PRPSAP1: variants seen among roughly 807,000 people sequenced by gnomAD.
PRPSAP1 encodes the protein phosphoribosyl pyrophosphate synthetase associated protein 1.
In PRPSAP1, 31 loss-of-function variants were observed where a neutral mutation model predicts 39.4. The observed-to-expected ratio is 0.79, with a 90% confidence interval of 0.59 to 1.06. The LOEUF (loss-of-function observed/expected upper bound fraction) is 1.06. Ranked by LOEUF, PRPSAP1 falls within the 50% of genes least tolerant of loss-of-function variation. The pLI, the probability that PRPSAP1 is intolerant of heterozygous loss-of-function variation, is 0.00. For missense variants in PRPSAP1, 430 were observed against 511.6 expected, an observed-to-expected ratio of 0.84 and a Z score of 1.54; for synonymous variants, 212 against 192.6, an observed-to-expected ratio of 1.10 and a Z score of -0.83.
In PRPSAP1 at chr17:76,329,230, C is replaced by G. The variant is rs180907120; in HGVS notation, c.636-368G>C. ...GGACCACAGGCATGTGTTGCCACAA[C>G]TGGCTATTTTTTGTATTTTGTAGAG... is the stretch of plus-strand genomic sequence containing the variant. On this transcript the variant is annotated intron_variant, in intron 6 of 9. Coordinates refer to ENST00000446526, the MANE Select transcript of PRPSAP1 (RefSeq NM_002766.3). Among the ~76,000 whole-genome samples the G allele has an allele frequency of 1.1e-3, 160 of 152,190 alleles. 1 individual carries two copies. The highest frequency in any genetic ancestry group is 1.8e-3 in the Non-Finnish European group (123 of 68,010).
chr17:76,313,668 G>C (rs921663127), intron 8 of PRPSAP1, 153 bp downstream of exon 8: 1 of 743,826 alleles, frequency 1.3e-6, no homozygotes, highest in Admixed American at 2.3e-5. Context: ...CCTGGATACA[G>C]GTTTCTGCCA....
chr17:76,333,045 C>T (rs1014765244), intron 3 of PRPSAP1, among the ~76,000 whole-genome samples: 9 of 151,988 alleles, frequency 5.9e-5, no homozygotes, highest in African/African-American at 2.2e-4. Flanking sequence ...GCGCCCGCCA[C>T]CTCGCCCGGC....
chr17:76,311,555 G>A lies in PRPSAP1; in HGVS notation c.1145C>T (p.Thr382Ile), dbSNP rs544246273. 6.2e-7 allele frequency: 1 copy of A among 1,613,884 alleles called. No individual in the cohort carries two copies. The highest frequency in any genetic ancestry group is 1.7e-5 in the Admixed American group (1 of 59,960). The change falls in exon 10 of 10, where the codon ACT (threonine) becomes ATT (isoleucine). Residue 382 changes from threonine to isoleucine, a missense_variant. This residue lies in a region of PRPSAP1 where 278 missense variants were observed against 376.3 expected (regional missense o/e 0.74). Coordinates refer to ENST00000446526, the MANE Select transcript of PRPSAP1 (RefSeq NM_002766.3). ...CCCTCGTGAAAGCTAGTCATCCACA[G>A]TGATGTTTCGGAAAAGGTAGGCCAT... is the stretch of plus-strand genomic sequence containing the variant. Reference protein sequence around the residue: ...ESMAYLFRNITVDD With the variant: ...ESMAYLFRNIIVDD
chr17:76,346,733 A>C (rs1265150014), intron 2 of PRPSAP1, among the ~76,000 whole-genome samples: 1 of 152,220 alleles, frequency 6.6e-6, no homozygotes, highest in East Asian at 1.9e-4. Flanking sequence ...TTGGTTGTGC[A>C]CTGAAAAAGG....
chr17:76,318,276 C>T (rs180823819), intron 7 of PRPSAP1, among the ~76,000 whole-genome samples: 5 of 152,172 alleles, frequency 3.3e-5, no homozygotes, highest in African/African-American at 1.2e-4. Context: ...GGTGAAACCC[C>T]ATCTCTACTA....
At chr17:76,313,980 C>CA in intron 7 of PRPSAP1, 89 bp from the exon 8 acceptor site, 1 of 1,380,776 alleles carries the variant, frequency 7.2e-7, no homozygotes, top group Middle Eastern at 1.8e-4. Context: ...GAAATGGTGG[C>CA]AAAACCACTA....
intron 7 of PRPSAP1, among the ~76,000 whole-genome samples, chr17:76,315,994 A>G (rs967908746): frequency 6.7e-6 from 1 of 149,510 alleles, no homozygotes; most frequent in African/African-American, 2.4e-5. Flanking sequence ...CCTGGCCAAC[A>G]TGGTGAAACT....
At chr17:76,314,907 G>A (rs932710054) in intron 7 of PRPSAP1, among the ~76,000 whole-genome samples, 3 of 152,242 alleles carry the variant, frequency 2.0e-5, no homozygotes, top group African/African-American at 4.8e-5. Context: ...GAGACATGCA[G>A]AAGGAATGCC....
Position 76,348,575 on chromosome 17 carries a change from A to C in PRPSAP1, c.177T>G (p.Leu59=). Residue 59 remains leucine (L), a synonymous_variant, in exon 2 of 10, where the codon CTT becomes CTG. Coordinates refer to ENST00000446526, the MANE Select transcript of PRPSAP1 (RefSeq NM_002766.3). ...TELAKRITER[L]GAELGKSVVY... The stretch of plus-strand genomic sequence containing the variant: ...CAACAGACTTCCCCAATTCAGCACC[A>C]AGGCGCCTATAGATCAAAAAGAACA... 2.0e-6 allele frequency: 3 copies of C among 1,530,260 alleles called. No homozygotes were observed. Among genetic ancestry groups the C allele is most frequent in the Non-Finnish European group, 1.7e-6 (2 of 1,150,160 alleles). The allele number at this position is 1,530,260 out of a possible 1,614,324, so 94.8% of individuals were successfully genotyped here. A position where few individuals can be genotyped will look rare whatever the true frequency, so the allele number is the denominator to read the frequency against.
chr17:76,325,114 C>T (rs527347235), intron 7 of PRPSAP1, among the ~76,000 whole-genome samples: 60 of 144,532 alleles, frequency 4.2e-4, no homozygotes, highest in African/African-American at 1.4e-3. Flanking sequence ...GCCAGGAATT[C>T]AAGACCAACC....
intron 4 of PRPSAP1, among the ~76,000 whole-genome samples, chr17:76,331,381 T>C (rs76134614): frequency 0.012 from 1,757 of 152,288 alleles, 35 homozygotes; most frequent in African/African-American, 0.04. Context: ...GGGTTCCACG[T>C]GTGGATTCAA....
chr17:76,333,048 C>T (rs552168951), intron 3 of PRPSAP1, among the ~76,000 whole-genome samples: 136 of 151,998 alleles, frequency 8.9e-4, no homozygotes, highest in African/African-American at 3.0e-3. Context: ...CCCGCCACCT[C>T]GCCCGGCTAA....
chr17:76,329,133 CAACAT>C, intron 6 of PRPSAP1: 1 of 310,080 alleles, frequency 3.2e-6, no homozygotes, highest in South Asian at 5.6e-5. Context: ...GCAGTGGCGT[CAACAT>C]GGCTCACTGC....
intron 3 of PRPSAP1, among the ~76,000 whole-genome samples, chr17:76,332,983 C>T (rs1027477169): frequency 2.0e-5 from 3 of 151,950 alleles, no homozygotes; most frequent in African/African-American, 4.8e-5. Flanking sequence ...CTCCGCCCCC[C>T]GAGGTTCACG....
chr17:76,329,767 G>C (rs2071300617), intron 6 of PRPSAP1, among the ~76,000 whole-genome samples: 1 of 151,730 alleles, frequency 6.6e-6, no homozygotes, highest in Admixed American at 6.6e-5. Flanking sequence ...ACCATTGCTT[G>C]AAAAATGCTC....
chr17:76,332,593 C>A (rs2071334471), intron 3 of PRPSAP1, among the ~76,000 whole-genome samples, 158 bp from the exon 4 acceptor site: 1 of 152,176 alleles, frequency 6.6e-6, no homozygotes, highest in African/African-American at 2.4e-5. Context: ...GCAGGGGAAG[C>A]TTTCTGACTT....
At chr17:76,350,239 A>C (rs1239328013) in intron 1 of PRPSAP1, among the ~76,000 whole-genome samples, 3 of 151,996 alleles carry the variant, frequency 2.0e-5, no homozygotes, top group African/African-American at 7.2e-5. Context: ...GGAGATCGAG[A>C]CCACCCTGGC....
At chr17:76,341,419 T>G (rs1307616379) in intron 3 of PRPSAP1, among the ~76,000 whole-genome samples, 10 of 151,928 alleles carry the variant, frequency 6.6e-5, no homozygotes, top group Admixed American at 6.6e-4. Context: ...CAAATTTTAT[T>G]TGTAGAGATG....
intron 7 of PRPSAP1, among the ~76,000 whole-genome samples, chr17:76,320,783 TCTC>T (rs1175197299): frequency 8.6e-6 from 1 of 116,442 alleles, no homozygotes; most frequent in Non-Finnish European, 2.2e-5. Context: ...GCCATTTTTC[TCTC>T]TTTTTTTTTT....
Sources: gnomAD v4.1 joint callset for allele counts (sites outside exome capture counted in the v4.1 genomes callset) on GRCh38, gnomAD v4.1.1 for gene constraint, gnomAD v4.1.1 regional missense constraint, MANE v1.5 for transcripts, NCBI Gene and HGNC (gene_info 2026-07-23, HGNC 2026-07-21) for gene names.